Variants in AFF2 observed in about 807,000 individuals in gnomAD.
AFF2 encodes AF4/FMR2 family member 2.
Under a neutral mutation model 76.9 loss-of-function variants are expected in AFF2, and 14 were observed. The ratio of observed to expected loss-of-function variants is 0.18; its 90% CI spans 0.12 to 0.28. The LOEUF (loss-of-function observed/expected upper bound fraction) is 0.28. Ranked by LOEUF, AFF2 falls within the 10% of genes least tolerant of loss-of-function variation. The probability of loss-of-function intolerance (pLI) is 1.00; values close to 1 mark genes in which losing one functional copy is unlikely to be tolerated. For missense variants in AFF2, 868 were observed against 1,001.1 expected (o/e 0.87, Z 1.79); for synonymous variants, 398 against 366.7 (o/e 1.09, Z -0.98).
intron 3 of AFF2, among the ~76,000 whole-genome samples, chrX:148,688,603 G>A (rs192274520): frequency 6.5e-4 from 72 of 111,412 alleles, no homozygotes; most frequent in Non-Finnish European, 1.2e-3. Context: ...AGCACAGAAC[G>A]TAGCACTTAA....
intron 3 of AFF2, among the ~76,000 whole-genome samples, chrX:148,683,912 T>C (rs1232536543): frequency 8.9e-6 from 1 of 111,794 alleles, no homozygotes; most frequent in African/African-American, 3.3e-5. Flanking sequence ...GAGCATTTAT[T>C]TATATGAGGC....
At chrX:148,513,617 T>A (rs1164814245) in intron 1 of AFF2, among the ~76,000 whole-genome samples, 1 of 112,049 alleles carries the variant, frequency 8.9e-6, no homozygotes, top group Non-Finnish European at 1.9e-5. Flanking sequence ...GAGAAAGTTC[T>A]CAGAACTTCA....
chrX:148,687,079 G>A (rs2054608380), intron 3 of AFF2, among the ~76,000 whole-genome samples: 1 of 111,810 alleles, frequency 8.9e-6, no homozygotes, highest in African/African-American at 3.2e-5. Context: ...GCAGTGGCTT[G>A]TGACTCTAGG....
intron 2 of AFF2, among the ~76,000 whole-genome samples, chrX:148,654,853 G>A (rs782751871): frequency 7.3e-5 from 8 of 109,382 alleles, no homozygotes; most frequent in Non-Finnish European, 1.5e-4. Context: ...AAGGAATAAG[G>A]AGATAAGTTT....
chrX:148,607,697 A>AT (rs1440698435), intron 1 of AFF2, among the ~76,000 whole-genome samples: 1 of 111,820 alleles, frequency 8.9e-6, no homozygotes, highest in African/African-American at 3.3e-5. Context: ...CAGGAATACC[A>AT]TTTCTCTCAT....
chrX:148,553,368 GTCA>G (rs2053016613), intron 1 of AFF2, among the ~76,000 whole-genome samples: 4 of 111,856 alleles, frequency 3.6e-5, no homozygotes, highest in South Asian at 3.7e-4. Context: ...GTGTATTTGA[GTCA>G]TCATCATTTC....
At chrX:148,525,111 C>A (rs2052643882) in intron 1 of AFF2, among the ~76,000 whole-genome samples, 1 of 111,771 alleles carries the variant, frequency 8.9e-6, no homozygotes, top group African/African-American at 3.2e-5. Flanking sequence ...ATTGACCCTG[C>A]TAATTGTATA....
chrX:148,500,649 C>CGCT lies in AFF2; in HGVS notation c.-447_-446insTGC, dbSNP rs1346975573. 3.3e-5 allele frequency: 3 copies of CGCT among 90,261 alleles called. No homozygotes were observed. Among genetic ancestry groups the CGCT allele is most frequent in the African/African-American group, 1.2e-4 (3 of 24,837 alleles). 7.4% of individuals were successfully genotyped at this position (90,261 alleles called of 1,213,427 possible). ...CCTGTGCAGCCGCTGCCGCCGCCGCCGCCGCCGCCGCCGCCGCCGCCGCCG... is the reference window on the plus strand; with the variant it reads ...CCTGTGCAGCCGCTGCCGCCGCCGCCGCTGCCGCCGCCGCCGCCGCCGCCGCCG... On this transcript the variant is annotated 5_prime_UTR_variant, in exon 1 of 21. Transcript: ENST00000370460.
chrX:148,527,377 C>T (rs1185182404), intron 1 of AFF2, among the ~76,000 whole-genome samples: 2 of 112,130 alleles, frequency 1.8e-5, no homozygotes, highest in African/African-American at 6.5e-5. Flanking sequence ...AAGGAGGCTA[C>T]AGAAACATGA....
chrX:148,610,133 G>A (rs960723339), intron 1 of AFF2, among the ~76,000 whole-genome samples: 2 of 111,710 alleles, frequency 1.8e-5, no homozygotes, highest in Admixed American at 9.5e-5. Context: ...GAGAGAGAGG[G>A]GGGTGGAAGA....
intron 3 of AFF2, among the ~76,000 whole-genome samples, chrX:148,723,230 C>T (rs782593652): frequency 8.9e-6 from 1 of 112,056 alleles, no homozygotes; most frequent in Admixed American, 9.4e-5. Flanking sequence ...GCTAGCCAAC[C>T]TCATGGCCTG....
intron 12 of AFF2, 108 bp downstream of exon 12, chrX:148,958,566 A>G: frequency 9.8e-7 from 1 of 1,023,556 alleles, no homozygotes; most frequent in Middle Eastern, 3.8e-4. Context: ...CTTTAAGGTA[A>G]AAAACAGGAG....
intron 1 of AFF2, among the ~76,000 whole-genome samples, chrX:148,621,282 T>A (rs1300067427): frequency 1.8e-5 from 2 of 112,007 alleles, no homozygotes; most frequent in African/African-American, 3.2e-5. Flanking sequence ...TTTGTTTTAA[T>A]GTGTATAATA....
At chrX:148,744,159 T>G (rs7059162) in intron 3 of AFF2, among the ~76,000 whole-genome samples, 1 of 110,766 alleles carries the variant, frequency 9.0e-6, no homozygotes, top group Non-Finnish European at 1.9e-5. Flanking sequence ...CTCATCTCAT[T>G]TAATGCTCAC....
At chrX:148,738,594 AT>A (rs1238994298) in intron 3 of AFF2, among the ~76,000 whole-genome samples, 7 of 110,107 alleles carry the variant, frequency 6.4e-5, no homozygotes, top group East Asian at 2.9e-4. Flanking sequence ...TATCTTTTGA[AT>A]TTTTTTTTGT....
At position 148,640,268 on chromosome X, in the gene AFF2, T is replaced by C. The variant is rs782138352; in HGVS notation, c.48-11731T>C. On this transcript the variant is annotated intron_variant, in intron 1 of 20. Coordinates refer to ENST00000370460, the MANE Select transcript of AFF2 (RefSeq NM_002025.4). The stretch of plus-strand genomic sequence containing the variant: ...AGTTCATTAGAACAGAAGAAAACTA[T>C]CTGAATATACTGGTCACAACTTGCT... 2.7e-5 allele frequency among the ~76,000 whole-genome samples: 3 copies of C among 112,829 alleles called. No individual in the cohort carries two copies. In the South Asian group the frequency reaches 1.1e-3, roughly 41 times the overall value.
chrX:148,705,991 AG>A (rs1196009279), intron 3 of AFF2, among the ~76,000 whole-genome samples: 1 of 111,820 alleles, frequency 8.9e-6, no homozygotes, highest in Non-Finnish European at 1.9e-5. Context: ...TACATTTGGG[AG>A]GAGCCCTCCT....
intron 4 of AFF2, among the ~76,000 whole-genome samples, chrX:148,835,796 A>G (rs781867789): frequency 4.5e-5 from 5 of 110,777 alleles, no homozygotes; most frequent in Non-Finnish European, 9.4e-5. Flanking sequence ...TACTTTTTTT[A>G]TGGTGAGAAC....
chrX:148,742,753 C>G (rs913998744), intron 3 of AFF2, among the ~76,000 whole-genome samples: 2 of 111,549 alleles, frequency 1.8e-5, no homozygotes, highest in Non-Finnish European at 3.8e-5. Flanking sequence ...ATAGGATGAC[C>G]GGTTGCTAAA....
Sources: allele counts gnomAD v4.1 joint callset (sites outside exome capture counted in the v4.1 genomes callset), GRCh38; gene constraint gnomAD v4.1.1; transcripts MANE v1.5; gene names NCBI Gene and HGNC (gene_info 2026-07-23, HGNC 2026-07-21).